NSMCE2: variants seen among roughly 807,000 people sequenced by gnomAD.
The protein encoded by NSMCE2 is E3 SUMO-protein ligase NSE2.
A neutral mutation model predicts 23.8 loss-of-function variants in NSMCE2; 24 were observed. That is an observed-to-expected ratio of 1.01 (90% confidence interval 0.73 to 1.42). The LOEUF (loss-of-function observed/expected upper bound fraction) is 1.42. Among genes scored for constraint, NSMCE2 ranks in the 40% most tolerant of loss-of-function variants. NSMCE2 has a pLI of 0.00. For synonymous variants in NSMCE2, 92 were observed against 94.1 expected (o/e 0.98, Z 0.13); for missense variants, 284 against 296.5 (o/e 0.96, Z 0.31).
At position 125,094,314 on chromosome 8, in the gene NSMCE2, G is replaced by A. The variant is rs540568126; in HGVS notation, c.-111+2356G>A. Among the ~76,000 whole-genome samples, 25 of 152,326 alleles carry A rather than the reference G, an allele frequency of 1.6e-4. No homozygotes were observed. In the South Asian group the frequency reaches 2.3e-3, roughly 14 times the overall value. Reference sequence around the variant, plus strand: ...TAATTATAATTATATCAAAGAAGGTGCTGTTAGAGTCAGAGAAAGGAGTTG... The same window carrying A: ...TAATTATAATTATATCAAAGAAGGTACTGTTAGAGTCAGAGAAAGGAGTTG... On this transcript the variant is annotated intron_variant, in intron 1 of 7. Coordinates refer to ENST00000287437, the MANE Select transcript of NSMCE2 (RefSeq NM_173685.4).
chr8:125,232,453 G>A (rs926510271), intron 5 of NSMCE2, among the ~76,000 whole-genome samples: 1 of 152,114 alleles, frequency 6.6e-6, no homozygotes, highest in African/African-American at 2.4e-5. Context: ...TTATTGTTGA[G>A]CAAATAAGCT....
chr8:125,237,240 A>C (rs1040263644), intron 5 of NSMCE2, among the ~76,000 whole-genome samples: 1 of 152,210 alleles, frequency 6.6e-6, no homozygotes, highest in African/African-American at 2.4e-5. Context: ...AGGTCAAGAG[A>C]GGCAACATAA....
intron 5 of NSMCE2, among the ~76,000 whole-genome samples, chr8:125,249,839 A>ATT (rs1322366540): frequency 9.9e-5 from 15 of 152,200 alleles, no homozygotes; most frequent in Admixed American, 9.8e-4. Context: ...TATTTCAAAC[A>ATT]TTAAAGGCAG....
At chr8:125,327,689 G>A (rs1365479184) in intron 5 of NSMCE2, among the ~76,000 whole-genome samples, 1 of 151,464 alleles carries the variant, frequency 6.6e-6, no homozygotes, top group Non-Finnish European at 1.5e-5. Context: ...GGTGTTAAAA[G>A]TAAGATTTCT....
chr8:125,345,445 A>G (rs561663733), intron 5 of NSMCE2, among the ~76,000 whole-genome samples: 1 of 152,372 alleles, frequency 6.6e-6, no homozygotes, highest in African/African-American at 2.4e-5. Context: ...GACAGTATTC[A>G]AAGCATTCTC....
rs574092023 is a variant in NSMCE2, at chr8:125,234,265, T to G, written c.418+52009T>G. Among the ~76,000 whole-genome samples the G allele has an allele frequency of 2.6e-5, 4 of 152,308 alleles. No individual in the cohort carries two copies. The South Asian group carries it at 8.3e-4, about 32-fold the overall frequency. On this transcript the variant is annotated intron_variant, in intron 5 of 7. Coordinates refer to ENST00000287437, the MANE Select transcript of NSMCE2 (RefSeq NM_173685.4). Reference sequence around the variant, plus strand: ...CTATAAGTTCTGATTTTTGTCAACATTCATCTAGACTAATAGCAGTTGAGA... The same window carrying G: ...CTATAAGTTCTGATTTTTGTCAACAGTCATCTAGACTAATAGCAGTTGAGA...
At chr8:125,350,667 A>T (rs889422759) in intron 5 of NSMCE2, among the ~76,000 whole-genome samples, 3 of 152,196 alleles carry the variant, frequency 2.0e-5, no homozygotes, top group African/African-American at 7.2e-5. Context: ...TTGTGCAGGG[A>T]AACTCCCCTT....
intron 3 of NSMCE2, among the ~76,000 whole-genome samples, chr8:125,146,050 A>G (rs1820656996): frequency 1.3e-5 from 2 of 152,220 alleles, no homozygotes; most frequent in African/African-American, 4.8e-5. Flanking sequence ...TTCTTAAGGA[A>G]TTTGGAAAGA....
chr8:125,273,326 A>C (rs760485765), intron 5 of NSMCE2, among the ~76,000 whole-genome samples: 1 of 152,244 alleles, frequency 6.6e-6, no homozygotes, highest in African/African-American at 2.4e-5. Flanking sequence ...CATTATAGTC[A>C]TGTTACAGTA....
intron 3 of NSMCE2, among the ~76,000 whole-genome samples, chr8:125,129,281 A>G (rs1819644918): frequency 6.6e-6 from 1 of 152,142 alleles, no homozygotes; most frequent in African/African-American, 2.4e-5. Flanking sequence ...GGAAATCTAG[A>G]GGAATTTGAT....
intron 5 of NSMCE2, among the ~76,000 whole-genome samples, chr8:125,280,888 A>G (rs1464066026): frequency 1.3e-5 from 2 of 152,230 alleles, no homozygotes; most frequent in Admixed American, 1.3e-4. Context: ...TGGATTGAAT[A>G]AACATGTTAG....
At chr8:125,365,618 G>A (rs540686587) in intron 7 of NSMCE2, among the ~76,000 whole-genome samples, 1 of 152,278 alleles carries the variant, frequency 6.6e-6, no homozygotes, top group South Asian at 2.1e-4. Flanking sequence ...CACTTTGGGA[G>A]GCCGAGGCAG....
intron 5 of NSMCE2, among the ~76,000 whole-genome samples, chr8:125,249,936 TAAA>T (rs1033293293): frequency 4.6e-5 from 7 of 150,634 alleles, no homozygotes; most frequent in African/African-American, 7.5e-5. Flanking sequence ...GAATTAAAAA[TAAA>T]AAAGGAAAAA....
chr8:125,367,065 C>G lies in NSMCE2; in HGVS notation c.*180C>G, dbSNP rs749404696. ...CAAAGTTACACAACAGAAATGCAAT[C>G]ATATTGTTTATTTTTAAGTGTTCTA... On this transcript the variant is annotated 3_prime_UTR_variant, in exon 8 of 8. Coordinates refer to ENST00000287437, the MANE Select transcript of NSMCE2 (RefSeq NM_173685.4). 61 of 552,010 alleles carry G rather than the reference C, an allele frequency of 1.1e-4. No homozygotes were observed. The highest frequency in any genetic ancestry group is 2.8e-4 in the Admixed American group (9 of 32,188). 34.2% of individuals were successfully genotyped at this position (552,010 alleles called of 1,614,324 possible).
chr8:125,115,394 C>T (rs773117944), intron 3 of NSMCE2, among the ~76,000 whole-genome samples: 1 of 152,198 alleles, frequency 6.6e-6, no homozygotes, highest in African/African-American at 2.4e-5. Context: ...CATCCTTTTT[C>T]TCCACCAGTG....
chr8:125,265,304 C>T (rs1826865840), intron 5 of NSMCE2, among the ~76,000 whole-genome samples: 1 of 151,962 alleles, frequency 6.6e-6, no homozygotes, highest in African/African-American at 2.4e-5. Context: ...TCACTGCAAC[C>T]TCCACCTCCC....
chr8:125,334,695 C>A (rs1010401062), intron 5 of NSMCE2, among the ~76,000 whole-genome samples: 16 of 149,856 alleles, frequency 1.1e-4, no homozygotes, highest in African/African-American at 3.9e-4. Flanking sequence ...GGTTAGAGCT[C>A]AGAGGATGAC....
At chr8:125,109,338 G>A (rs1250810444) in intron 3 of NSMCE2, among the ~76,000 whole-genome samples, 2 of 152,160 alleles carry the variant, frequency 1.3e-5, no homozygotes, top group Non-Finnish European at 2.9e-5. Flanking sequence ...CTCAGTAATT[G>A]TTAGCTGTTA....
intron 5 of NSMCE2, among the ~76,000 whole-genome samples, chr8:125,337,964 C>T (rs7820471): frequency 0.79 from 118,771 of 151,236 alleles, 46,764 homozygotes; most frequent in Admixed American, 0.84. Context: ...CATTTTTCTG[C>T]TTCTTTTTAA....
Sources: gnomAD v4.1 joint callset for allele counts (sites outside exome capture counted in the v4.1 genomes callset) on GRCh38, gnomAD v4.1.1 for gene constraint, MANE v1.5 for transcripts, NCBI Gene and HGNC (gene_info 2026-07-23, HGNC 2026-07-21) for gene names.